The following COL14A1 variants were observed in gnomAD, a reference collection of about 807,000 sequenced individuals.
The protein encoded by COL14A1 is collagen alpha-1(XIV) chain.
In COL14A1, 136 loss-of-function variants were observed where a neutral mutation model predicts 230.3. That is an observed-to-expected ratio of 0.59 (90% confidence interval 0.51 to 0.68). The LOEUF (loss-of-function observed/expected upper bound fraction) is 0.68. Among genes scored for constraint, COL14A1 ranks in the 30% least tolerant of loss-of-function variants. The pLI is 0.00. For missense variants in COL14A1, 1,976 were observed against 2,215.8 expected, an observed-to-expected ratio of 0.89 and a Z score of 2.17; for synonymous variants, 792 against 784.1, an observed-to-expected ratio of 1.01 and a Z score of -0.17.
chr8:120,189,599 G>A (rs1816752004), intron 5 of COL14A1, among the ~76,000 whole-genome samples: 1 of 150,826 alleles, frequency 6.6e-6, no homozygotes, highest in Admixed American at 6.6e-5. Flanking sequence ...TTGTCATCTA[G>A]CATTAGGTAT....
chr8:120,178,277 C>T (rs1816350634), intron 5 of COL14A1, among the ~76,000 whole-genome samples: 1 of 152,092 alleles, frequency 6.6e-6, no homozygotes, highest in Admixed American at 6.5e-5. Flanking sequence ...CTTCCTATGT[C>T]CATGTGTTCT....
chr8:120,209,973 A>G, intron 12 of COL14A1, 72 bp downstream of exon 12: 1 of 1,199,994 alleles, frequency 8.3e-7, no homozygotes, highest in Non-Finnish European at 1.1e-6. Flanking sequence ...TTTATTGTAA[A>G]AATTTAATGT....
chr8:120,226,534 C>A, intron 15 of COL14A1, 93 bp from the exon 16 acceptor site: 1 of 1,356,806 alleles, frequency 7.4e-7, no homozygotes, highest in Non-Finnish European at 1.0e-6. Flanking sequence ...CAAAAGATTC[C>A]TCAAAGAGTC....
At chr8:120,250,586 G>A (rs772047925) in intron 21 of COL14A1, 31 bp from the exon 22 acceptor site, 1 of 1,611,106 alleles carries the variant, frequency 6.2e-7, no homozygotes, top group Non-Finnish European at 8.5e-7. Context: ...ATATTTTGTT[G>A]TAACTAAAAT....
rs540774506 is a variant in COL14A1 at position 120,175,331 on chromosome 8, C to A, written c.436+7084C>A. Among the ~76,000 whole-genome samples, 18 of 152,270 alleles carry A rather than the reference C, an allele frequency of 1.2e-4. No homozygotes were observed. In the South Asian group the frequency reaches 3.7e-3, roughly 32 times the overall value. On this transcript the variant is annotated intron_variant, in intron 5 of 47. Coordinates refer to ENST00000297848, the MANE Select transcript of COL14A1 (RefSeq NM_021110.4). ...ATTTTTGGAGTTTTGCACAAGAATG[C>A]AGAACCTGATTGGAAATAATTAAGA...
chr8:120,373,182 A>C lies in COL14A1; in HGVS notation c.*1951A>C, dbSNP rs1812217931. Among the ~76,000 whole-genome samples, 1 of 152,216 alleles carries C rather than the reference A, an allele frequency of 6.6e-6. No individual in the cohort carries two copies. The highest frequency in any genetic ancestry group is 1.5e-5 in the Non-Finnish European group (1 of 68,042). On this transcript the variant is annotated 3_prime_UTR_variant, in exon 48 of 48. Coordinates refer to ENST00000297848, the MANE Select transcript of COL14A1 (RefSeq NM_021110.4). ...CAAAGTTAAATACCATGTCACTCAG[A>C]AGACTCTCAAAGTTTGTGTATAAAT...
At chr8:120,273,588 A>G (rs1819740989) in intron 26 of COL14A1, among the ~76,000 whole-genome samples, 1 of 151,866 alleles carries the variant, frequency 6.6e-6, no homozygotes, top group African/African-American at 2.4e-5. Flanking sequence ...AATAGTCTCA[A>G]TTAGAAATGA....
intron 14 of COL14A1, among the ~76,000 whole-genome samples, chr8:120,222,468 T>C (rs1234210110): frequency 6.6e-6 from 1 of 152,198 alleles, no homozygotes. Flanking sequence ...GAGTCTGACT[T>C]GACCAGAACT....
intron 18 of COL14A1, among the ~76,000 whole-genome samples, 170 bp from the exon 19 acceptor site, chr8:120,231,297 A>G (rs1818259704): frequency 6.6e-6 from 1 of 152,162 alleles, no homozygotes; most frequent in South Asian, 2.1e-4. Context: ...GCTAGTAGGT[A>G]TCATGCCTCC....
chr8:120,237,564 T>G (rs1818484839), intron 19 of COL14A1, among the ~76,000 whole-genome samples: 1 of 152,220 alleles, frequency 6.6e-6, no homozygotes, highest in East Asian at 1.9e-4. Flanking sequence ...ATATGCTCCT[T>G]TAGCTCGGAG....
rs189622186 is a variant in COL14A1, at chr8:120,168,590, T to C, written c.436+343T>C. The stretch of plus-strand genomic sequence containing the variant: ...GCATGGGCTCTCCCACTTGCCTGCC[T>C]AAATTCAAAGCCTGCCTTTACCACT... On this transcript the variant is annotated intron_variant, in intron 5 of 47. Coordinates refer to ENST00000297848, the MANE Select transcript of COL14A1 (RefSeq NM_021110.4). 2.5e-4 allele frequency among the ~76,000 whole-genome samples: 38 copies of C among 152,312 alleles called. No individual in the cohort carries two copies. The East Asian group carries it at 5.2e-3, about 21-fold the overall frequency.
chr8:120,297,469 A>T, intron 34 of COL14A1, 42 bp from the exon 35 acceptor site: 1 of 968,616 alleles, frequency 1.0e-6, no homozygotes, highest in Non-Finnish European at 1.4e-6. Flanking sequence ...AAGATAATTT[A>T]TATATATTTT....
In COL14A1 at chr8:120,216,498, C is replaced by T. The variant is rs1277684344; in HGVS notation, c.1737+8C>T. On this transcript the variant is annotated splice_region_variant and intron_variant, in intron 14 of 47. Transcript: ENST00000297848. ...GGGACTGAAATCAATGAGGTAAGTT[C>T]CGGGACATAATGTATATTTTTTAGG... The T allele has an allele frequency of 2.5e-6, 4 of 1,604,184 alleles. No homozygotes were observed. The highest frequency in any genetic ancestry group is 2.3e-5 in the South Asian group (2 of 88,422).
chr8:120,231,001 G>T (rs763974564), intron 18 of COL14A1, among the ~76,000 whole-genome samples: 1 of 152,188 alleles, frequency 6.6e-6, no homozygotes, highest in Admixed American at 6.5e-5. Flanking sequence ...TGCTTTGAAT[G>T]ACAGGTGTTA....
Position 120,255,340 on chromosome 8 carries a change from T to C in COL14A1, c.2853T>C (p.Val951=), listed in dbSNP as rs1449037763. Residue 951 remains valine, a synonymous_variant, in exon 23 of 48, where the codon GTT becomes GTC. Transcript: ENST00000297848. ...GCCATGCCACAGCCTATAGGGTTGT[T>C]ATAGAATCCCTCCAGGGTGAGTACA... ...VHRHATAYRV[V]IESLQDRQKQ... is the part of the protein sequence containing the mutation. The C allele has an allele frequency of 6.2e-7, 1 of 1,612,878 alleles. No individual in the cohort carries two copies. The highest frequency in any genetic ancestry group is 1.7e-5 in the Admixed American group (1 of 60,014).
intron 12 of COL14A1, among the ~76,000 whole-genome samples, chr8:120,212,153 G>T (rs147008174): frequency 4.5e-4 from 68 of 152,274 alleles, no homozygotes; most frequent in African/African-American, 1.2e-3. Flanking sequence ...CCTTCTCCTG[G>T]GGAGCATATA....
chr8:120,197,799 C>T lies in COL14A1; in HGVS notation c.593-12C>T. 6.3e-7 allele frequency: 1 copy of T among 1,596,948 alleles called. No homozygotes were observed. The highest frequency in any genetic ancestry group is 8.5e-7 in the Non-Finnish European group (1 of 1,169,706). On this transcript the variant is annotated splice_polypyrimidine_tract_variant and intron_variant, in intron 6 of 47. Coordinates refer to ENST00000297848, the MANE Select transcript of COL14A1 (RefSeq NM_021110.4). ...CATTATTCCTGGTGCGTTTCCTAAT[C>T]TTTTTTTCCAGGTCTTGCACAGTAT...
chr8:120,241,459 G>C (rs1347414635), intron 19 of COL14A1, among the ~76,000 whole-genome samples: 1 of 152,112 alleles, frequency 6.6e-6, no homozygotes, highest in East Asian at 1.9e-4. Flanking sequence ...GGTGATATTA[G>C]AGCCAGACAT....
chr8:120,315,968 C>A lies in COL14A1; in HGVS notation c.4630C>A (p.Pro1544Thr). The A allele has an allele frequency of 6.2e-7, 1 of 1,613,988 alleles. No homozygotes were observed. The highest frequency in any genetic ancestry group is 8.5e-7 in the Non-Finnish European group (1 of 1,179,972). Residue 1544 changes from proline (P) to threonine (T), a missense_variant, in exon 40 of 48, where the codon CCA (proline) becomes ACA (threonine). Physicochemically the swap from Pro to Thr is conservative, Grantham distance 38. Coordinates refer to ENST00000297848, the MANE Select transcript of COL14A1 (RefSeq NM_021110.4). ...GGGTATCCCAGGAGGCGTTGGTTCA[C>A]CAGGACGTGATGGCTCACCAGGCCA... ...PQGIPGGVGS[P>T]GRDGSPGQRG...
Sources: allele counts gnomAD v4.1 joint callset (sites outside exome capture counted in the v4.1 genomes callset), GRCh38; gene constraint gnomAD v4.1.1; transcripts MANE v1.5; gene names NCBI Gene and HGNC (gene_info 2026-07-23, HGNC 2026-07-21).